Variants in CAMK2D observed in about 807,000 individuals in gnomAD.
CAMK2D encodes the protein calcium/calmodulin dependent protein kinase II delta.
CAMK2D carries 37 observed loss-of-function variants against 84.0 expected under a neutral mutation model. That is an observed-to-expected ratio of 0.44 (90% CI 0.34 to 0.58). The LOEUF (loss-of-function observed/expected upper bound fraction) is 0.58, where lower values mean the gene tolerates loss of function less well. Ranked by LOEUF, CAMK2D falls within the 20% of genes least tolerant of loss-of-function variation. CAMK2D has a pLI of 0.02. For synonymous variants in CAMK2D, 202 were observed against 212.5 expected (o/e 0.95, Z 0.43); for missense variants, 448 against 652.5 (o/e 0.69, Z 3.41).
intron 4 of CAMK2D, among the ~76,000 whole-genome samples, chr4:113,589,183 G>A (rs1217184698): frequency 6.6e-6 from 1 of 152,128 alleles, no homozygotes; most frequent in African/African-American, 2.4e-5. Context: ...TTGAGCAGAG[G>A]AGTGGCATGC....
chr4:113,548,399 C>T (rs1425181778), intron 5 of CAMK2D, among the ~76,000 whole-genome samples: 3 of 152,128 alleles, frequency 2.0e-5, no homozygotes, highest in Non-Finnish European at 4.4e-5. Context: ...TCCTCAATCC[C>T]TTTTGGTAGG....
At chr4:113,644,417 T>C (rs138332698) in intron 3 of CAMK2D, among the ~76,000 whole-genome samples, 1 of 152,066 alleles carries the variant, frequency 6.6e-6, no homozygotes, top group African/African-American at 2.4e-5. Context: ...CCAAGGAAAA[T>C]GAATAAAGGG....
At chr4:113,524,133 C>G (rs1364781822) in intron 8 of CAMK2D, among the ~76,000 whole-genome samples, 2 of 152,090 alleles carry the variant, frequency 1.3e-5, no homozygotes, top group Non-Finnish European at 2.9e-5. Context: ...TGGCCTCCCA[C>G]AGTGCTGGGA....
chr4:113,488,784 A>C (rs990706686), intron 16 of CAMK2D, among the ~76,000 whole-genome samples: 57 of 152,144 alleles, frequency 3.7e-4, no homozygotes, highest in African/African-American at 1.3e-3. Flanking sequence ...GAGTGAGCTG[A>C]TGTTTTCCTA....
intron 4 of CAMK2D, among the ~76,000 whole-genome samples, chr4:113,588,259 C>G (rs1463263816): frequency 1.3e-5 from 2 of 152,242 alleles, no homozygotes; most frequent in East Asian, 3.9e-4. Flanking sequence ...GAATATCCTA[C>G]TTTACTTGCT....
chr4:113,560,010 G>T (rs938771465), intron 4 of CAMK2D, among the ~76,000 whole-genome samples: 1 of 152,158 alleles, frequency 6.6e-6, no homozygotes, highest in Admixed American at 6.5e-5. Context: ...GACAAGAAGA[G>T]ATTCTATCAT....
chr4:113,540,478 C>T (rs2098522978), intron 6 of CAMK2D, among the ~76,000 whole-genome samples: 3 of 152,164 alleles, frequency 2.0e-5, no homozygotes, highest in Admixed American at 6.5e-5. Flanking sequence ...GAGAAACAGG[C>T]AGGGTGATGA....
intron 4 of CAMK2D, among the ~76,000 whole-genome samples, chr4:113,587,641 T>A (rs899065954): frequency 6.6e-6 from 1 of 152,192 alleles, no homozygotes; most frequent in Non-Finnish European, 1.5e-5. Context: ...AAACACAAAG[T>A]TACAGAAACA....
At position 113,579,780 on chromosome 4, in the gene CAMK2D, A is replaced by T. The variant is rs2098799704; in HGVS notation, c.276-27684T>A. ...CCTTTACAGCAATGCAAAACAGACT[A>T]ACCCAGCATGCTTGAAAGAGCCTGA... is the stretch of plus-strand genomic sequence containing the variant. On this transcript the variant is annotated intron_variant, in intron 4 of 20. Coordinates refer to ENST00000511664, the MANE Select transcript of CAMK2D (RefSeq NM_001321571.2). Among the ~76,000 whole-genome samples the T allele has an allele frequency of 2.6e-5, 4 of 152,250 alleles. No homozygotes were observed. The South Asian group carries it at 8.3e-4, about 31-fold the overall frequency.
intron 16 of CAMK2D, among the ~76,000 whole-genome samples, chr4:113,489,584 T>C (rs1334184547): frequency 6.7e-6 from 1 of 148,816 alleles, no homozygotes; most frequent in Non-Finnish European, 1.5e-5. Context: ...CTATTGTGAA[T>C]AATGCCGCAA....
At chr4:113,716,228 G>T (rs1187864068) in intron 2 of CAMK2D, among the ~76,000 whole-genome samples, 1 of 152,076 alleles carries the variant, frequency 6.6e-6, no homozygotes, top group South Asian at 2.1e-4. Context: ...AAGTGTGTTG[G>T]CTGTCATGAC....
At chr4:113,500,429 GAGGT>G in intron 16 of CAMK2D, 30 bp downstream of exon 16, 1 of 1,383,372 alleles carries the variant, frequency 7.2e-7, no homozygotes, top group African/African-American at 1.4e-5. Context: ...GTGAAGCTCT[GAGGT>G]AGGATTTTCC....
intron 8 of CAMK2D, among the ~76,000 whole-genome samples, chr4:113,523,841 CTTT>C (rs147601101): frequency 6.6e-6 from 1 of 151,228 alleles, no homozygotes; most frequent in South Asian, 2.1e-4. Context: ...TAAAACAGAT[CTTT>C]TTTTTTGTTG....
At chr4:113,575,360 T>A (rs1471342642) in intron 4 of CAMK2D, among the ~76,000 whole-genome samples, 1 of 152,200 alleles carries the variant, frequency 6.6e-6, no homozygotes, top group African/African-American at 2.4e-5. Flanking sequence ...AAATTATTTT[T>A]CAAAATAACA....
chr4:113,528,147 T>TTA (rs754263285), intron 8 of CAMK2D, among the ~76,000 whole-genome samples: 1 of 152,000 alleles, frequency 6.6e-6, no homozygotes, highest in South Asian at 2.1e-4. Flanking sequence ...TAATGCTGAG[T>TTA]TATATAATAC....
intron 8 of CAMK2D, among the ~76,000 whole-genome samples, chr4:113,529,778 ATATTTAC>A (rs1380419500): frequency 3.9e-5 from 6 of 152,252 alleles, no homozygotes; most frequent in Middle Eastern, 3.4e-3. Flanking sequence ...TTATTTTCCA[ATATTTAC>A]TAGTTCACTC....
In CAMK2D at chr4:113,513,386, G is replaced by A. The variant is rs1590481446; in HGVS notation, c.904-16C>T. ...AGATGGCACCCTGTGAAAAAAATTA[G>A]AACACAAAAGTCAGTGTTGCCTATG... On this transcript the variant is annotated splice_polypyrimidine_tract_variant and intron_variant, in intron 11 of 20. Coordinates refer to ENST00000511664, the MANE Select transcript of CAMK2D (RefSeq NM_001321571.2). 3 of 1,572,480 alleles carry A rather than the reference G, an allele frequency of 1.9e-6. No homozygotes were observed. Among genetic ancestry groups the A allele is most frequent in the South Asian group, 1.1e-5 (1 of 90,146 alleles).
At chr4:113,729,954 G>A (rs1199516348) in intron 2 of CAMK2D, among the ~76,000 whole-genome samples, 1 of 152,116 alleles carries the variant, frequency 6.6e-6, no homozygotes, top group Non-Finnish European at 1.5e-5. Flanking sequence ...ATAAATCGCT[G>A]CTGTTTATAA....
chr4:113,603,802 T>TATATACATATA, intron 4 of CAMK2D, among the ~76,000 whole-genome samples: 1 of 139,324 alleles, frequency 7.2e-6, no homozygotes, highest in East Asian at 2.1e-4. Flanking sequence ...TATATATATA[T>TATATACATATA]TTAAAACAGT....
Sources: gnomAD v4.1 joint callset for allele counts (sites outside exome capture counted in the v4.1 genomes callset) on GRCh38, gnomAD v4.1.1 for gene constraint, MANE v1.5 for transcripts, NCBI Gene and HGNC (gene_info 2026-07-23, HGNC 2026-07-21) for gene names.